Variants in SNCB observed in about 807,000 individuals in gnomAD.
The protein encoded by SNCB is beta-synuclein.
In SNCB, 8 loss-of-function variants were observed where a neutral mutation model predicts 20.0. That is an observed-to-expected ratio of 0.40 (90% confidence interval 0.24 to 0.72). The LOEUF (loss-of-function observed/expected upper bound fraction) is 0.72, where lower values mean the gene tolerates loss of function less well. Among genes scored for constraint, SNCB ranks in the 30% least tolerant of loss-of-function variants. The probability of loss-of-function intolerance (pLI) is 0.37; values close to 1 mark genes in which losing one functional copy is unlikely to be tolerated. For synonymous variants in SNCB, 56 were observed against 65.4 expected, an observed-to-expected ratio of 0.86 and a Z score of 0.69; for missense variants, 125 against 168.0, an observed-to-expected ratio of 0.74 and a Z score of 1.41.
At position 176,621,640 on chromosome 5, in the gene SNCB, G is replaced by A. The variant is rs907393112; in HGVS notation, c.283-337C>T. On this transcript the variant is annotated intron_variant, in intron 4 of 5. Coordinates refer to ENST00000393693, the MANE Select transcript of SNCB (RefSeq NM_003085.5). The surrounding 1 kb of genome is among the most constrained non-coding windows in gnomAD (Gnocchi z 4.1). ...TGTGTCAGGCTCTGTGCTGGGCATC[G>A]GGACCCCAGAGATAACCCTCAGGCT... Among the ~76,000 whole-genome samples the A allele has an allele frequency of 2.0e-5, 3 of 152,168 alleles. No individual in the cohort carries two copies. The highest frequency in any genetic ancestry group is 4.8e-5 in the African/African-American group (2 of 41,440).
chr5:176,629,877 A>C lies in SNCB; in HGVS notation c.-9-214T>G. ...CGTCCTTGAAACCTGGGGACGCGGGAGGGGCCACTGCCTCGGTTATCCGGG... is the reference window on the plus strand; with the variant it reads ...CGTCCTTGAAACCTGGGGACGCGGGCGGGGCCACTGCCTCGGTTATCCGGG... On this transcript the variant is annotated intron_variant, in intron 1 of 5. Transcript: ENST00000393693. The surrounding 1 kb of genome is among the most constrained non-coding windows in gnomAD (Gnocchi z 4.1). 1.7e-6 allele frequency: 1 copy of C among 578,472 alleles called. No homozygotes were observed. The highest frequency in any genetic ancestry group is 2.8e-6 in the Non-Finnish European group (1 of 351,036). The allele number at this position is 578,472 out of a possible 1,614,324, so 35.8% of individuals were successfully genotyped here.
Position 176,626,303 on chromosome 5 carries a change from GC to G in SNCB, c.282+94del, listed in dbSNP as rs1321270718. The G allele has an allele frequency of 3.3e-6, 3 of 922,212 alleles. No individual in the cohort carries two copies. The highest frequency in any genetic ancestry group is 5.3e-6 in the Non-Finnish European group (3 of 560,832). 57.1% of individuals were successfully genotyped at this position (922,212 alleles called of 1,614,324 possible). A position where few individuals can be genotyped will look rare whatever the true frequency, so the allele number is the denominator to read the frequency against. ...CCAAGCTGGTGGCAGGATTAGGGGGGCGGGGATGGTGACAGGTTTATTTGTG... is the reference window on the plus strand; with the variant it reads ...CCAAGCTGGTGGCAGGATTAGGGGGGGGGGATGGTGACAGGTTTATTTGTG... On this transcript the variant is annotated intron_variant, in intron 4 of 5. Coordinates refer to ENST00000393693, the MANE Select transcript of SNCB (RefSeq NM_003085.5). The surrounding 1 kb of genome is among the most constrained non-coding windows in gnomAD (Gnocchi z 4.2).
chr5:176,622,422 G>A (rs747933851), intron 4 of SNCB, among the ~76,000 whole-genome samples: 1 of 152,014 alleles, frequency 6.6e-6, no homozygotes, highest in African/African-American at 2.4e-5. Context: ...CCCGGGAGGC[G>A]GAGTTTGCAG....
chr5:176,626,368 C>A lies in SNCB; in HGVS notation c.282+30G>T. ...TGTGTGTGTGTGTGTGTGTGTTTGC[C>A]TGCATGTGCGGGTCAGAAGGATCGC... On this transcript the variant is annotated intron_variant, in intron 4 of 5. Transcript: ENST00000393693. This position sits in a 1 kb window ranked among gnomAD's most constrained non-coding sequence, Gnocchi z 4.2. 1 of 1,295,244 alleles carries A rather than the reference C, an allele frequency of 7.7e-7. No individual in the cohort carries two copies. Among genetic ancestry groups the A allele is most frequent in the Non-Finnish European group, 1.1e-6 (1 of 890,910 alleles). 80.2% of individuals were successfully genotyped at this position (1,295,244 alleles called of 1,614,324 possible).
chr5:176,622,880 G>A (rs1488060999), intron 4 of SNCB, among the ~76,000 whole-genome samples: 2 of 151,958 alleles, frequency 1.3e-5, no homozygotes, highest in East Asian at 3.9e-4. Context: ...GGGATTACAG[G>A]CATGTGCCAC....
intron 2 of SNCB, among the ~76,000 whole-genome samples, chr5:176,627,872 G>C (rs1037140305): frequency 6.6e-6 from 1 of 152,256 alleles, no homozygotes; most frequent in Non-Finnish European, 1.5e-5. Context: ...ACCTCAAGTA[G>C]TGGGGAGAGG....
Position 176,626,551 on chromosome 5 carries a change from G to C in SNCB, c.164-35C>G, listed in dbSNP as rs200482345. 3.8e-6 allele frequency: 6 copies of C among 1,567,362 alleles called. No individual in the cohort carries two copies. Among genetic ancestry groups the C allele is most frequent in the South Asian group, 1.1e-5 (1 of 90,152 alleles). ...GGAGGGGGTTGAGGAAGGGGTTTGGGAGCCAGGGGGAAACACCGATGCCCT... is the reference window on the plus strand; with the variant it reads ...GGAGGGGGTTGAGGAAGGGGTTTGGCAGCCAGGGGGAAACACCGATGCCCT... On this transcript the variant is annotated intron_variant, in intron 3 of 5. Coordinates refer to ENST00000393693, the MANE Select transcript of SNCB (RefSeq NM_003085.5). The surrounding 1 kb of genome is among the most constrained non-coding windows in gnomAD (Gnocchi z 4.2).
Position 176,620,665 on chromosome 5 carries a change from A to G in SNCB, c.*146T>C. The G allele has an allele frequency of 9.6e-6, 7 of 732,346 alleles. No individual in the cohort carries two copies. Among genetic ancestry groups the G allele is most frequent in the Non-Finnish European group, 7.4e-6 (3 of 403,108 alleles). The allele number at this position is 732,346 out of a possible 1,614,324, so 45.4% of individuals were successfully genotyped here. The stretch of plus-strand genomic sequence containing the variant: ...GGGTAGGACAGACAGATGGACAGAC[A>G]CTAACACAGGCTCCGAGGGGGTTGC... On this transcript the variant is annotated 3_prime_UTR_variant, in exon 6 of 6. Coordinates refer to ENST00000393693, the MANE Select transcript of SNCB (RefSeq NM_003085.5). The surrounding 1 kb of genome is among the most constrained non-coding windows in gnomAD (Gnocchi z 4.5).
chr5:176,628,840 A>G (rs1328703736), intron 2 of SNCB, among the ~76,000 whole-genome samples: 3 of 152,202 alleles, frequency 2.0e-5, no homozygotes, highest in Non-Finnish European at 4.4e-5. Flanking sequence ...AATGGCCACA[A>G]TCCAAATATG....
Position 176,626,275 on chromosome 5 carries a change from G to A in SNCB, c.282+123C>T. 1.2e-6 allele frequency: 1 copy of A among 810,098 alleles called. No homozygotes were observed. The highest frequency in any genetic ancestry group is 2.2e-6 in the Non-Finnish European group (1 of 463,362). The allele number at this position is 810,098 out of a possible 1,614,324, so 50.2% of individuals were successfully genotyped here. On this transcript the variant is annotated intron_variant, in intron 4 of 5. Transcript: ENST00000393693. This position sits in a 1 kb window ranked among gnomAD's most constrained non-coding sequence, Gnocchi z 4.2. ...CAGGATGGGAGGCAAAGTGGCTTGTGTTCCAAGCTGGTGGCAGGATTAGGG... is the reference window on the plus strand; with the variant it reads ...CAGGATGGGAGGCAAAGTGGCTTGTATTCCAAGCTGGTGGCAGGATTAGGG...
chr5:176,621,207 C>A lies in SNCB; in HGVS notation c.372+7G>T. On this transcript the variant is annotated splice_region_variant and intron_variant, in intron 5 of 5. Coordinates refer to ENST00000393693, the MANE Select transcript of SNCB (RefSeq NM_003085.5). This position sits in a 1 kb window ranked among gnomAD's most constrained non-coding sequence, Gnocchi z 4.1. ...CAAAGTCCCGCCCAGCCCTGCTGCCCCCTCACCTGGGGTGGGTCCTCATAA... is the reference window on the plus strand; with the variant it reads ...CAAAGTCCCGCCCAGCCCTGCTGCCACCTCACCTGGGGTGGGTCCTCATAA... 1 of 1,608,226 alleles carries A rather than the reference C, an allele frequency of 6.2e-7. No homozygotes were observed.
Position 176,626,369 on chromosome 5 carries a change from T to A in SNCB, c.282+29A>T. The stretch of plus-strand genomic sequence containing the variant: ...GTGTGTGTGTGTGTGTGTGTTTGCC[T>A]GCATGTGCGGGTCAGAAGGATCGCT... On this transcript the variant is annotated intron_variant, in intron 4 of 5. Transcript: ENST00000393693. This position sits in a 1 kb window ranked among gnomAD's most constrained non-coding sequence, Gnocchi z 4.2. 1.5e-6 allele frequency: 2 copies of A among 1,318,702 alleles called. No individual in the cohort carries two copies. The highest frequency in any genetic ancestry group is 2.2e-6 in the Non-Finnish European group (2 of 912,136). 81.7% of individuals were successfully genotyped at this position (1,318,702 alleles called of 1,614,324 possible). A position where few individuals can be genotyped will look rare whatever the true frequency, so the allele number is the denominator to read the frequency against.
intron 4 of SNCB, among the ~76,000 whole-genome samples, chr5:176,624,750 C>T (rs1219227568): frequency 1.5e-5 from 2 of 131,686 alleles, no homozygotes; most frequent in African/African-American, 5.7e-5. Context: ...TGCAGTGAGC[C>T]AAGATCGTGC....
chr5:176,622,632 A>G lies in SNCB; in HGVS notation c.283-1329T>C, dbSNP rs1362414611. On this transcript the variant is annotated intron_variant, in intron 4 of 5. Coordinates refer to ENST00000393693, the MANE Select transcript of SNCB (RefSeq NM_003085.5). The stretch of plus-strand genomic sequence containing the variant: ...AATGGAATACTACATAACAAGAATG[A>G]AGAACAACAATGCATACAAGAGCAG... 2.0e-5 allele frequency among the ~76,000 whole-genome samples: 3 copies of G among 152,220 alleles called. No homozygotes were observed. In the East Asian group the frequency reaches 5.8e-4, roughly 29 times the overall value.
chr5:176,626,341 TG>T lies in SNCB; in HGVS notation c.282+56del. 2.1e-6 allele frequency: 1 copy of T among 472,536 alleles called. No homozygotes were observed. The highest frequency in any genetic ancestry group is 3.9e-5 in the East Asian group (1 of 25,902). The allele number at this position is 472,536 out of a possible 1,614,324, so 29.3% of individuals were successfully genotyped here. A position where few individuals can be genotyped will look rare whatever the true frequency, so the allele number is the denominator to read the frequency against. ...CAGGTTTATTTGTGTGCCTGGTGTG[TG>T]TGTGTGTGTGTGTGTGTGTGTTTGC... On this transcript the variant is annotated intron_variant, in intron 4 of 5. Coordinates refer to ENST00000393693, the MANE Select transcript of SNCB (RefSeq NM_003085.5). This position sits in a 1 kb window ranked among gnomAD's most constrained non-coding sequence, Gnocchi z 4.2.
At chr5:176,624,276 A>T (rs1759791323) in intron 4 of SNCB, among the ~76,000 whole-genome samples, 2 of 152,196 alleles carry the variant, frequency 1.3e-5, no homozygotes, top group Admixed American at 1.3e-4. Flanking sequence ...ACATGGCCTG[A>T]GCTTATCCTC....
Position 176,626,787 on chromosome 5 carries a change from T to A in SNCB, c.122-26A>T. ...CTGCAGGGAGAAAAAGCGGCACATT[T>A]AAGGACTCTGCGCTGAGGGAACAGA... On this transcript the variant is annotated intron_variant, in intron 2 of 5. Coordinates refer to ENST00000393693, the MANE Select transcript of SNCB (RefSeq NM_003085.5). This position sits in a 1 kb window ranked among gnomAD's most constrained non-coding sequence, Gnocchi z 4.2. 1.2e-6 allele frequency: 2 copies of A among 1,613,910 alleles called. No homozygotes were observed. The highest frequency in any genetic ancestry group is 1.7e-6 in the Non-Finnish European group (2 of 1,179,804).
chr5:176,622,489 CAACAAAACAAAACAA>C (rs59319062), intron 4 of SNCB, among the ~76,000 whole-genome samples: 1 of 149,466 alleles, frequency 6.7e-6, no homozygotes, highest in Non-Finnish European at 1.5e-5. Flanking sequence ...GACTCCATCT[CAACAAAACAAAACAA>C]AACAAAACAA....
intron 2 of SNCB, among the ~76,000 whole-genome samples, chr5:176,627,154 A>T (rs113866572): frequency 6.6e-6 from 1 of 152,358 alleles, no homozygotes; most frequent in Non-Finnish European, 1.5e-5. Flanking sequence ...CTGAACTGAC[A>T]TTCAAGTTCA....
Sources: allele counts gnomAD v4.1 joint callset (sites outside exome capture counted in the v4.1 genomes callset), GRCh38; gene constraint gnomAD v4.1.1; non-coding constraint Gnocchi (gnomAD v3.1); transcripts MANE v1.5; gene names NCBI Gene and HGNC (gene_info 2026-07-23, HGNC 2026-07-21).